The following SAMTOR variants were observed in gnomAD, a reference collection of about 807,000 sequenced individuals.
SAMTOR encodes the protein UPF0532 protein C7orf60.
chr7:112,927,925 A>G, the SAMTOR span, among the ~76,000 whole-genome samples: 2 of 152,062 alleles, frequency 1.3e-5, no homozygotes, highest in African/African-American at 2.4e-5. Flanking sequence ...TCAATGAACC[A>G]AATTATTTTG....
chr7:112,920,343 A>C, the SAMTOR span, among the ~76,000 whole-genome samples: 441 of 152,148 alleles, frequency 2.9e-3, 2 homozygotes, highest in African/African-American at 9.8e-3. Flanking sequence ...AGCCAAAGAC[A>C]AAAACCACAT....
the SAMTOR span, among the ~76,000 whole-genome samples, chr7:112,848,554 C>T: frequency 2.0e-5 from 3 of 152,118 alleles, no homozygotes; most frequent in African/African-American, 7.2e-5. Flanking sequence ...GGAAGGGAAA[C>T]TCAGAGCGCT....
the SAMTOR span, among the ~76,000 whole-genome samples, chr7:112,858,002 A>G: frequency 6.6e-6 from 1 of 152,150 alleles, no homozygotes; most frequent in African/African-American, 2.4e-5. Flanking sequence ...AAGCAATGCT[A>G]TGAGTATTTG....
At chr7:112,822,723 A>G in the SAMTOR span, among the ~76,000 whole-genome samples, 2 of 152,160 alleles carry the variant, frequency 1.3e-5, no homozygotes, top group African/African-American at 4.8e-5. Context: ...TAACATTTAC[A>G]GTTACCAAAA....
At chr7:112,936,960 C>A in the SAMTOR span, among the ~76,000 whole-genome samples, 4 of 152,066 alleles carry the variant, frequency 2.6e-5, no homozygotes, top group Admixed American at 2.0e-4. Flanking sequence ...GGTGGGGAAC[C>A]TATATTATTC....
the SAMTOR span, among the ~76,000 whole-genome samples, chr7:112,852,925 G>C: frequency 2.0e-5 from 3 of 151,660 alleles, no homozygotes; most frequent in Non-Finnish European, 4.4e-5. Flanking sequence ...AGTGTAAAGA[G>C]ACTCTGTCAC....
the SAMTOR span, among the ~76,000 whole-genome samples, chr7:112,919,191 C>T: frequency 6.6e-6 from 1 of 152,048 alleles, no homozygotes; most frequent in East Asian, 1.9e-4. Context: ...TGACCACATA[C>T]TTGGAAGTAA....
the SAMTOR span, among the ~76,000 whole-genome samples, chr7:112,890,788 T>C: frequency 6.6e-6 from 1 of 151,910 alleles, no homozygotes; most frequent in African/African-American, 2.4e-5. Flanking sequence ...CCTTCCAGGC[T>C]CAAGTGATCC....
chr7:112,918,281 G>A, the SAMTOR span, among the ~76,000 whole-genome samples: 1 of 152,166 alleles, frequency 6.6e-6, no homozygotes, highest in African/African-American at 2.4e-5. Context: ...GAAGAGAGTG[G>A]GGGCCTATAT....
chr7:112,881,471 C>T, the SAMTOR span, among the ~76,000 whole-genome samples: 1 of 152,188 alleles, frequency 6.6e-6, no homozygotes, highest in Non-Finnish European at 1.5e-5. Flanking sequence ...ACACTTCCTC[C>T]CTTCTGAGTC....
the SAMTOR span, among the ~76,000 whole-genome samples, chr7:112,913,967 C>A: frequency 1.3e-5 from 2 of 152,164 alleles, no homozygotes; most frequent in African/African-American, 2.4e-5. Context: ...CCAACTAGCA[C>A]GTAAGCTCTA....
At chr7:112,873,099 C>T in the SAMTOR span, among the ~76,000 whole-genome samples, 6 of 151,946 alleles carry the variant, frequency 3.9e-5, no homozygotes, top group African/African-American at 1.4e-4. Context: ...ATCCCATGCT[C>T]ATGAACTGGA....
At chr7:112,888,289 C>T in the SAMTOR span, among the ~76,000 whole-genome samples, 1 of 152,118 alleles carries the variant, frequency 6.6e-6, no homozygotes, top group Middle Eastern at 3.2e-3. Context: ...TGAGAGAAGG[C>T]ATACTCTGTA....
At chr7:112,896,645 A>G in the SAMTOR span, among the ~76,000 whole-genome samples, 7 of 152,182 alleles carry the variant, frequency 4.6e-5, no homozygotes, top group African/African-American at 1.4e-4. Flanking sequence ...GAGGTGCATA[A>G]TGATGGCCAA....
chr7:112,832,035 G>A, the SAMTOR span, among the ~76,000 whole-genome samples: 2 of 146,350 alleles, frequency 1.4e-5, no homozygotes, highest in Non-Finnish European at 3.0e-5. Context: ...TTTTTTAGAC[G>A]GAGTCTCACT....
chr7:112,824,765 A>G, the SAMTOR span, among the ~76,000 whole-genome samples: 1 of 152,262 alleles, frequency 6.6e-6, no homozygotes, highest in South Asian at 2.1e-4. Flanking sequence ...TATGCTTTCC[A>G]TCTTGGGCAA....
the SAMTOR span, among the ~76,000 whole-genome samples, chr7:112,902,554 T>C: frequency 5.3e-5 from 8 of 150,794 alleles, no homozygotes; most frequent in Non-Finnish European, 1.0e-4. Flanking sequence ...TAATGGAGGA[T>C]ACATGTCATT....
chr7:112,916,425 C>T, the SAMTOR span, among the ~76,000 whole-genome samples: 1 of 152,096 alleles, frequency 6.6e-6, no homozygotes, highest in African/African-American at 2.4e-5. Context: ...TAATTGGGGA[C>T]AGAATAAACT....
At chr7:112,863,384 C>A in the SAMTOR span, among the ~76,000 whole-genome samples, 1 of 152,128 alleles carries the variant, frequency 6.6e-6, no homozygotes, top group East Asian at 1.9e-4. Context: ...GCAAATACTT[C>A]GTGATGAAGA....
Sources: allele counts gnomAD v4.1 joint callset (sites outside exome capture counted in the v4.1 genomes callset), GRCh38; gene constraint gnomAD v4.1.1; transcripts MANE v1.5; gene names NCBI Gene and HGNC (gene_info 2026-07-23, HGNC 2026-07-21).